GALNT18: variants seen among roughly 807,000 people sequenced by gnomAD.
GALNT18 encodes polypeptide N-acetylgalactosaminyltransferase 18.
In GALNT18, 44 loss-of-function variants were observed where a neutral mutation model predicts 69.5. The observed-to-expected ratio is 0.63, with a 90% CI of 0.50 to 0.81. GALNT18 has a LOEUF of 0.81. Ranked by LOEUF, GALNT18 falls within the 40% of genes least tolerant of loss-of-function variation. The pLI, the probability that GALNT18 is intolerant of heterozygous loss-of-function variation, is 0.00. For missense variants in GALNT18, 715 were observed against 810.0 expected, an observed-to-expected ratio of 0.88 and a Z score of 1.42; for synonymous variants, 364 against 318.2, an observed-to-expected ratio of 1.14 and a Z score of -1.53.
chr11:11,306,933 G>A (rs1016600854), intron 9 of GALNT18, among the ~76,000 whole-genome samples: 1 of 152,234 alleles, frequency 6.6e-6, no homozygotes, highest in African/African-American at 2.4e-5. Flanking sequence ...TCGTGCATTG[G>A]TGCTGGCCTT....
In GALNT18 at chr11:11,531,951, C is replaced by T. The variant is rs931750044; in HGVS notation, c.236-83015G>A. Among the ~76,000 whole-genome samples the T allele has an allele frequency of 7.2e-5, 11 of 152,182 alleles. No homozygotes were observed. The South Asian group carries it at 1.0e-3, about 14-fold the overall frequency. On this transcript the variant is annotated intron_variant, in intron 1 of 10. Transcript: ENST00000227756. ...GTGTGTGAGTGCAGGTACTATACAC[C>T]GCAGTCTCTACACACCTGCAGCTGT...
At chr11:11,271,925 T>C (rs1049860609) in intron 10 of GALNT18, among the ~76,000 whole-genome samples, 1 of 152,180 alleles carries the variant, frequency 6.6e-6, no homozygotes, top group East Asian at 1.9e-4. Flanking sequence ...TAGCAGCAAA[T>C]AGGAAACCCC....
At chr11:11,468,799 G>A (rs68127041) in intron 1 of GALNT18, among the ~76,000 whole-genome samples, 1 of 152,106 alleles carries the variant, frequency 6.6e-6, no homozygotes, top group Admixed American at 6.5e-5. Context: ...CACTGAAGGG[G>A]GTGTGGCAGA....
chr11:11,411,037 G>C (rs960860990), intron 3 of GALNT18, among the ~76,000 whole-genome samples: 1 of 152,340 alleles, frequency 6.6e-6, no homozygotes, highest in Admixed American at 6.5e-5. Flanking sequence ...TGGAGGCTGG[G>C]TGCAGTGGCT....
At chr11:11,472,268 G>A (rs1010142464) in intron 1 of GALNT18, among the ~76,000 whole-genome samples, 1 of 152,208 alleles carries the variant, frequency 6.6e-6, no homozygotes, top group Non-Finnish European at 1.5e-5. Flanking sequence ...CTGGCTATCA[G>A]GTTCCCTTGC....
chr11:11,537,723 C>G (rs773785543), intron 1 of GALNT18, among the ~76,000 whole-genome samples: 2 of 152,156 alleles, frequency 1.3e-5, no homozygotes, highest in Non-Finnish European at 2.9e-5. Context: ...TGATTTAGGA[C>G]CTCACCCTGG....
chr11:11,416,325 G>A (rs1284934149), intron 3 of GALNT18, among the ~76,000 whole-genome samples: 2 of 152,156 alleles, frequency 1.3e-5, no homozygotes, highest in African/African-American at 4.8e-5. Context: ...ACTGTCTGAT[G>A]GAGAACCCGC....
intron 1 of GALNT18, among the ~76,000 whole-genome samples, chr11:11,593,293 GCCTGCCTAGCATTTCAGTTTGCGGAC>G (rs1168791607): frequency 2.0e-5 from 3 of 152,024 alleles, no homozygotes; most frequent in African/African-American, 7.3e-5. Context: ...CATTTACGTT[GCCTGCCTAGCATTTCAGTTTGCGGAC>G]CCTGGAATAG....
At chr11:11,353,258 C>A in intron 6 of GALNT18, 1 of 1,027,354 alleles carries the variant, frequency 9.7e-7, no homozygotes, top group East Asian at 2.6e-5. Context: ...CGGCTGTGGC[C>A]GCTCTCCCTT....
At chr11:11,285,858 C>T (rs78421065) in intron 10 of GALNT18, among the ~76,000 whole-genome samples, 2,728 of 152,258 alleles carry the variant, frequency 0.018, 69 homozygotes, top group African/African-American at 0.057. Context: ...TCTTTGCGTG[C>T]GTTACTCATC....
chr11:11,503,406 T>C (rs1259687488), intron 1 of GALNT18, among the ~76,000 whole-genome samples: 3 of 152,214 alleles, frequency 2.0e-5, no homozygotes, highest in African/African-American at 2.4e-5. Flanking sequence ...GCTATTGCTC[T>C]GATTATTATC....
chr11:11,614,428 A>G lies in GALNT18; in HGVS notation c.235+6931T>C, dbSNP rs1383508138. 6.6e-6 allele frequency among the ~76,000 whole-genome samples: 1 copy of G among 152,086 alleles called. No individual in the cohort carries two copies. The highest frequency in any genetic ancestry group is 1.5e-5 in the Non-Finnish European group (1 of 68,028). On this transcript the variant is annotated intron_variant, in intron 1 of 10. Transcript: ENST00000227756. This position sits in a 1 kb window ranked among gnomAD's most constrained non-coding sequence, Gnocchi z 5.6. ...GAGCAGCAAGGCTCTTTAAACAACC[A>G]GCTCTTGAATGAACAAATACAGCAA...
chr11:11,349,950 CT>C (rs1850369997), intron 6 of GALNT18, among the ~76,000 whole-genome samples: 2 of 149,790 alleles, frequency 1.3e-5, no homozygotes, highest in Admixed American at 1.3e-4. Flanking sequence ...AAAAATGATG[CT>C]TTTTCTTGGA....
chr11:11,332,580 C>T lies in GALNT18; in HGVS notation c.1416+114G>A. 3.2e-6 allele frequency: 4 copies of T among 1,231,974 alleles called. No individual in the cohort carries two copies. Among genetic ancestry groups the T allele is most frequent in the Non-Finnish European group, 4.6e-6 (4 of 868,842 alleles). The allele number at this position is 1,231,974 out of a possible 1,614,324, so 76.3% of individuals were successfully genotyped here. ...AGAACCCAGCGCCCGGTCCCCAGGCCTACTGCAGTTCTTCATGTGAGCAGC... is the reference window on the plus strand; with the variant it reads ...AGAACCCAGCGCCCGGTCCCCAGGCTTACTGCAGTTCTTCATGTGAGCAGC... On this transcript the variant is annotated intron_variant, in intron 8 of 10. Transcript: ENST00000227756. This position sits in a 1 kb window ranked among gnomAD's most constrained non-coding sequence, Gnocchi z 4.3.
chr11:11,530,184 G>T (rs1335435472), intron 1 of GALNT18, among the ~76,000 whole-genome samples: 1 of 150,526 alleles, frequency 6.6e-6, no homozygotes, highest in Non-Finnish European at 1.5e-5. Context: ...GCTGGAGCGA[G>T]CAAATTCCAG....
In GALNT18 at chr11:11,339,038, A is replaced by G. The variant is rs186860561; in HGVS notation, c.1278+1781T>C. ...GACAAAGCAGTCTTGATGAAGTATC[A>G]GGATATAGCTTGGGAGAAGGATTGG... On this transcript the variant is annotated intron_variant, in intron 7 of 10. Coordinates refer to ENST00000227756, the MANE Select transcript of GALNT18 (RefSeq NM_198516.3). This position sits in a 1 kb window ranked among gnomAD's most constrained non-coding sequence, Gnocchi z 5.2. 2.3e-3 allele frequency among the ~76,000 whole-genome samples: 352 copies of G among 152,328 alleles called. 2 individuals are homozygous for G. Among genetic ancestry groups the G allele is most frequent in the African/African-American group, 8.0e-3 (334 of 41,570 alleles).
At position 11,436,464 on chromosome 11, in the gene GALNT18, G is replaced by C. The variant is rs61870298; in HGVS notation, c.429-3677C>G. Among the ~76,000 whole-genome samples, 5,639 of 152,172 alleles carry C rather than the reference G, an allele frequency of 0.037. 114 individuals carry two copies. Among genetic ancestry groups the C allele is most frequent in the Non-Finnish European group, 0.048 (3,279 of 68,010 alleles). On this transcript the variant is annotated intron_variant, in intron 2 of 10. Coordinates refer to ENST00000227756, the MANE Select transcript of GALNT18 (RefSeq NM_198516.3). The surrounding 1 kb of genome is among the most constrained non-coding windows in gnomAD (Gnocchi z 4.5). ...GCACTGAAAGTCCTAGGCACACCAG[G>C]TCAGGCGGTCCCCCATGCCTATACC...
chr11:11,275,931 TGTAGCCTTGTA>T (rs1430584722), intron 10 of GALNT18, among the ~76,000 whole-genome samples: 1 of 152,248 alleles, frequency 6.6e-6, no homozygotes, highest in African/African-American at 2.4e-5. Flanking sequence ...TTTTGGTTAC[TGTAGCCTTGTA>T]GTATAGTTTG....
At chr11:11,420,139 C>T (rs1854969106) in intron 3 of GALNT18, among the ~76,000 whole-genome samples, 1 of 150,064 alleles carries the variant, frequency 6.7e-6, no homozygotes, top group Non-Finnish European at 1.5e-5. Flanking sequence ...AAAAAAAAAA[C>T]AGAACAAACA....
Sources: gnomAD v4.1 joint callset for allele counts (sites outside exome capture counted in the v4.1 genomes callset) on GRCh38, gnomAD v4.1.1 for gene constraint, Gnocchi (gnomAD v3.1) non-coding constraint, MANE v1.5 for transcripts, NCBI Gene and HGNC (gene_info 2026-07-23, HGNC 2026-07-21) for gene names.